The following BIVM variants were observed in gnomAD, a reference collection of about 807,000 sequenced individuals.
BIVM encodes the protein basic immunoglobulin-like variable motif-containing protein.
Under a neutral mutation model 61.4 loss-of-function variants are expected in BIVM, and 31 were observed. That is an observed-to-expected ratio of 0.51 (90% confidence interval 0.38 to 0.68). The LOEUF is 0.68. BIVM is among the 30% of genes least tolerant of loss of function. The pLI, the probability that BIVM is intolerant of heterozygous loss-of-function variation, is 0.00. For missense variants in BIVM, 526 were observed against 596.0 expected, an observed-to-expected ratio of 0.88 and a Z score of 1.22; for synonymous variants, 189 against 210.7, an observed-to-expected ratio of 0.90 and a Z score of 0.89.
chr13:102,839,579 G>A lies in BIVM; in HGVS notation c.1226G>A (p.Gly409Glu), dbSNP rs749926754. The change falls in exon 11 of 11, where the codon GGA becomes GAA. Residue 409 changes from glycine to glutamate, a missense_variant. Transcript: ENST00000257336. ...LQYRKTKKVG[G>E]NLHCIIAFQR... ...ACATTTTTTTCTTCTCAGGTTGGGG[G>A]AAATTTGCATTGCATCATAGCATTC... 1.9e-6 allele frequency: 3 copies of A among 1,612,792 alleles called. No individual in the cohort carries two copies. The highest frequency in any genetic ancestry group is 2.2e-5 in the South Asian group (2 of 90,910).
intron 8 of BIVM, 40 bp downstream of exon 8, chr13:102,831,737 T>C (rs376890988): frequency 3.0e-5 from 49 of 1,609,358 alleles, no homozygotes; most frequent in Non-Finnish European, 3.7e-5. Context: ...TTTTAAGAAA[T>C]ATTAAAAAAT....
intron 7 of BIVM, among the ~76,000 whole-genome samples, chr13:102,828,697 GC>G (rs1458268617): frequency 6.6e-6 from 1 of 150,498 alleles, no homozygotes; most frequent in African/African-American, 2.4e-5. Context: ...ACACAAATTG[GC>G]CTTCCCCTGC....
At chr13:102,837,776 T>TAGA (rs775597354) in intron 9 of BIVM, among the ~76,000 whole-genome samples, 67 of 152,384 alleles carry the variant, frequency 4.4e-4, no homozygotes, top group Admixed American at 1.4e-3. Flanking sequence ...CGGAGGCCGT[T>TAGA]ATTCTAAGTG....
chr13:102,839,722 A>G lies in BIVM; in HGVS notation c.1369A>G (p.Ile457Val). The change falls in exon 11 of 11, where the codon ATT becomes GTT. Residue 457 changes from isoleucine (I) to valine (V), a missense_variant. By Grantham distance (29) the Ile-to-Val change is conservative (BLOSUM62 3). Around this residue, in one of 3 missense-constraint regions of BIVM, gnomAD observed 210 missense variants for 233.1 expected, o/e 0.90. Coordinates refer to ENST00000257336, the MANE Select transcript of BIVM (RefSeq NM_017693.4). ...TGCCAAATCTGAGAGTGAAGACAATATTTCCAAGAAGCAGCATGGGCGTCT... is the reference window on the plus strand; with the variant it reads ...TGCCAAATCTGAGAGTGAAGACAATGTTTCCAAGAAGCAGCATGGGCGTCT... ...GIAKSESEDN[I>V]SKKQHGRLGR... 2 of 1,614,174 alleles carry G rather than the reference A, an allele frequency of 1.2e-6. No homozygotes were observed. Among genetic ancestry groups the G allele is most frequent in the South Asian group, 2.2e-5 (2 of 91,076 alleles).
intron 9 of BIVM, 149 bp downstream of exon 9, chr13:102,834,701 T>C: frequency 1.6e-6 from 1 of 637,836 alleles, no homozygotes; most frequent in South Asian, 3.7e-5. Flanking sequence ...TTCATTGCCA[T>C]GGAAAATACT....
chr13:102,806,108 T>C (rs1879059514), intron 2 of BIVM, among the ~76,000 whole-genome samples: 1 of 152,196 alleles, frequency 6.6e-6, no homozygotes, highest in African/African-American at 2.4e-5. Context: ...TAGCAATGTA[T>C]GAGGGTTATG....
At chr13:102,803,364 A>T (rs1878865598) in intron 1 of BIVM, among the ~76,000 whole-genome samples, 1 of 151,982 alleles carries the variant, frequency 6.6e-6, no homozygotes, top group African/African-American at 2.4e-5. Flanking sequence ...TTAGCCAGGC[A>T]TGGTGGCACC....
At chr13:102,819,525 G>C (rs781636730) in intron 4 of BIVM, among the ~76,000 whole-genome samples, 14 of 152,074 alleles carry the variant, frequency 9.2e-5, no homozygotes, top group Non-Finnish European at 4.4e-5. Context: ...CGTGGCACAC[G>C]TTCTCACTGA....
chr13:102,831,472 T>A, intron 7 of BIVM, 93 bp from the exon 8 acceptor site: 2 of 1,536,286 alleles, frequency 1.3e-6, no homozygotes, highest in South Asian at 2.5e-5. Context: ...AAGTAATGTC[T>A]TTTCTGTCCT....
chr13:102,803,906 C>T (rs1878901600), intron 1 of BIVM, among the ~76,000 whole-genome samples: 1 of 152,158 alleles, frequency 6.6e-6, no homozygotes, highest in Non-Finnish European at 1.5e-5. Context: ...TGAACAACGC[C>T]AGGTACTGAG....
At position 102,807,596 on chromosome 13, in the gene BIVM, T is replaced by C. The variant is rs778711423; in HGVS notation, c.329T>C (p.Ile110Thr). Residue 110 changes from isoleucine (I) to threonine (T), a missense_variant, in exon 3 of 11, where the codon ATT becomes ACT. Physicochemically the swap from Ile to Thr is moderately conservative, Grantham distance 89. Around this residue, in one of 3 missense-constraint regions of BIVM, gnomAD observed 312 missense variants for 343.8 expected, o/e 0.91. Transcript: ENST00000257336. The surrounding 1 kb of genome is among the most constrained non-coding windows in gnomAD (Gnocchi z 4.0). Reference protein sequence around the residue: ...LSAGNNSSRYIGIPTSTSEII... With the variant: ...LSAGNNSSRYTGIPTSTSEII... ...GCTGGAAATAATTCATCAAGATACA[T>C]TGGTATCCCGACTAGTACATCGGAA... The C allele has an allele frequency of 1.1e-5, 17 of 1,614,038 alleles. No individual in the cohort carries two copies. Among genetic ancestry groups the C allele is most frequent in the African/African-American group, 5.3e-5 (4 of 74,910 alleles).
At chr13:102,833,912 A>G (rs1881287262) in intron 8 of BIVM, among the ~76,000 whole-genome samples, 1 of 152,228 alleles carries the variant, frequency 6.6e-6, no homozygotes, top group Non-Finnish European at 1.5e-5. Flanking sequence ...GACATTTATC[A>G]AATATAAATC....
chr13:102,803,714 T>G (rs905267042), intron 1 of BIVM, among the ~76,000 whole-genome samples: 8 of 152,148 alleles, frequency 5.3e-5, no homozygotes, highest in African/African-American at 1.9e-4. Context: ...ATATGCTCTT[T>G]CATTCCTCAC....
intron 9 of BIVM, among the ~76,000 whole-genome samples, 175 bp from the exon 10 acceptor site, chr13:102,838,468 T>C (rs564192598): frequency 6.6e-6 from 1 of 152,214 alleles, no homozygotes; most frequent in Non-Finnish European, 1.5e-5. Flanking sequence ...ATAAACAGAA[T>C]TGTCATAAAA....
Position 102,807,823 on chromosome 13 carries a change from C to T in BIVM, c.478+78C>T. The T allele has an allele frequency of 7.1e-7, 1 of 1,407,744 alleles. No homozygotes were observed. Among genetic ancestry groups the T allele is most frequent in the South Asian group, 1.4e-5 (1 of 71,760 alleles). 87.2% of individuals were successfully genotyped at this position (1,407,744 alleles called of 1,614,324 possible). ...TATGTCTTGTTTAATCTTGCCATTA[C>T]ACATAGTTTCCTTGTATAATACTAG... On this transcript the variant is annotated intron_variant, in intron 3 of 10. Transcript: ENST00000257336. The surrounding 1 kb of genome is among the most constrained non-coding windows in gnomAD (Gnocchi z 4.0).
intron 7 of BIVM, among the ~76,000 whole-genome samples, chr13:102,827,091 A>G (rs1007138594): frequency 6.6e-5 from 10 of 152,206 alleles, no homozygotes; most frequent in Non-Finnish European, 1.5e-4. Flanking sequence ...TTAAGATTTT[A>G]TACTATAATT....
chr13:102,819,599 G>T (rs112269013), intron 4 of BIVM, among the ~76,000 whole-genome samples: 2 of 152,276 alleles, frequency 1.3e-5, no homozygotes, highest in African/African-American at 4.8e-5. Flanking sequence ...ACTGGGCCCT[G>T]TCGCGGGGTG....
intron 7 of BIVM, among the ~76,000 whole-genome samples, chr13:102,823,965 G>T (rs564900901): frequency 6.6e-6 from 1 of 152,004 alleles, no homozygotes; most frequent in Non-Finnish European, 1.5e-5. Context: ...AGGTGTCTTC[G>T]TGTGCCATGA....
intron 3 of BIVM, among the ~76,000 whole-genome samples, chr13:102,815,688 A>T (rs1329637646): frequency 6.6e-6 from 1 of 152,192 alleles, no homozygotes. Flanking sequence ...CCTTTTGTCT[A>T]GCTCCCAATT....
Sources: allele counts gnomAD v4.1 joint callset (sites outside exome capture counted in the v4.1 genomes callset), GRCh38; gene constraint gnomAD v4.1.1; regional missense constraint gnomAD v4.1.1; non-coding constraint Gnocchi (gnomAD v3.1); transcripts MANE v1.5; gene names NCBI Gene and HGNC (gene_info 2026-07-23, HGNC 2026-07-21).